The following LRRIQ1 variants were observed in gnomAD, a reference collection of about 807,000 sequenced individuals.
LRRIQ1 encodes the protein leucine rich repeats and IQ motif containing 1.
Under a neutral mutation model 211.9 loss-of-function variants are expected in LRRIQ1, and 210 were observed. The observed-to-expected ratio is 0.99, with a 90% CI of 0.89 to 1.11. The LOEUF (loss-of-function observed/expected upper bound fraction) is 1.11. Ranked by LOEUF, LRRIQ1 falls within the 50% of genes most tolerant of loss-of-function variation. The pLI, the probability that LRRIQ1 is intolerant of heterozygous loss-of-function variation, is 0.00. For synonymous variants in LRRIQ1, 699 were observed against 650.1 expected, an observed-to-expected ratio of 1.08 and a Z score of -1.14; for missense variants, 2,136 against 1,939.5, an observed-to-expected ratio of 1.10 and a Z score of -1.90.
chr12:85,081,710 A>G (rs898536285), intron 11 of LRRIQ1, among the ~76,000 whole-genome samples: 2 of 121,126 alleles, frequency 1.7e-5, no homozygotes, highest in African/African-American at 6.3e-5. Context: ...TATGCCCTTT[A>G]TTTCTTCTTC....
At chr12:85,132,201 G>C (rs147307787) in intron 18 of LRRIQ1, among the ~76,000 whole-genome samples, 3,140 of 151,862 alleles carry the variant, frequency 0.021, 70 homozygotes, top group Non-Finnish European at 0.027. Context: ...CTTTTCACTA[G>C]GTCTGCACTC....
chr12:85,235,010 T>C (rs1895109242), intron 26 of LRRIQ1, among the ~76,000 whole-genome samples: 1 of 152,200 alleles, frequency 6.6e-6, no homozygotes, highest in African/African-American at 2.4e-5. Context: ...TTTTATTTCT[T>C]AGTTATAGGG....
downstream of LRRIQ1, among the ~76,000 whole-genome samples, chr12:85,249,982 T>C (rs1194645125): frequency 6.7e-6 from 1 of 149,506 alleles, no homozygotes; most frequent in Non-Finnish European, 1.5e-5. Flanking sequence ...GTTGTACTAA[T>C]TTTTTTTTTA....
intron 1 of LRRIQ1, among the ~76,000 whole-genome samples, chr12:85,257,123 T>C (rs1184226854): frequency 9.2e-6 from 1 of 108,612 alleles, no homozygotes; most frequent in Non-Finnish European, 1.9e-5. Flanking sequence ...AATTACATAA[T>C]ATATAATATA....
intron 11 of LRRIQ1, 29 bp from the exon 12 acceptor site, chr12:85,098,326 C>T (rs760864447): frequency 1.4e-6 from 2 of 1,451,208 alleles, no homozygotes; most frequent in African/African-American, 1.4e-5. Flanking sequence ...CTGTATGACA[C>T]AGGTGATCTT....
At chr12:85,134,217 G>C (rs146662917) in intron 18 of LRRIQ1, among the ~76,000 whole-genome samples, 203 of 152,242 alleles carry the variant, frequency 1.3e-3, no homozygotes, top group Middle Eastern at 6.8e-3. Context: ...TTTGCCTGCT[G>C]ATGGTATATT....
chr12:85,133,489 A>T (rs1452128879), intron 18 of LRRIQ1, among the ~76,000 whole-genome samples: 2 of 152,174 alleles, frequency 1.3e-5, no homozygotes, highest in Non-Finnish European at 2.9e-5. Flanking sequence ...GGGTGTGACA[A>T]TATATTTCTT....
chr12:85,221,788 G>GA (rs1279746477), intron 24 of LRRIQ1, among the ~76,000 whole-genome samples: 3 of 152,206 alleles, frequency 2.0e-5, no homozygotes, highest in African/African-American at 4.8e-5. Context: ...ATACTTTATG[G>GA]AAAAAAACTT....
chr12:85,241,214 A>G (rs1275573431), intron 26 of LRRIQ1, among the ~76,000 whole-genome samples: 5 of 151,954 alleles, frequency 3.3e-5, no homozygotes, highest in Non-Finnish European at 7.4e-5. Flanking sequence ...TGTAACTTCT[A>G]TGGGAGTTTT....
rs1185386576 is a variant in LRRIQ1 at position 85,073,730 on chromosome 12, A to G, written c.2887+632A>G. 2.0e-5 allele frequency among the ~76,000 whole-genome samples: 3 copies of G among 152,080 alleles called. No individual in the cohort carries two copies. In the East Asian group the frequency reaches 5.8e-4, roughly 29 times the overall value. On this transcript the variant is annotated intron_variant, in intron 11 of 26. Transcript: ENST00000393217. ...GACTTCTTTGGTGTCTGTTGGGTACAATGAAAACACTGTATTTATTGAGTG... is the reference window on the plus strand; with the variant it reads ...GACTTCTTTGGTGTCTGTTGGGTACGATGAAAACACTGTATTTATTGAGTG...
At chr12:85,163,369 A>T (rs1890996285) in intron 24 of LRRIQ1, among the ~76,000 whole-genome samples, 1 of 152,178 alleles carries the variant, frequency 6.6e-6, no homozygotes. Flanking sequence ...AGTGAGGAAG[A>T]TCAAAATTAA....
Position 85,102,960 on chromosome 12 carries a change from ATAT to A in LRRIQ1, c.3210-1043_3210-1041del, listed in dbSNP as rs1342902300. On this transcript the variant is annotated intron_variant, in intron 13 of 26. Coordinates refer to ENST00000393217, the MANE Select transcript of LRRIQ1 (RefSeq NM_001079910.2). ...TAATTGTGGCAAAAAAAAAAAAAAA[ATAT>A]ATATATATATATATATATATATATT... Among the ~76,000 whole-genome samples the A allele has an allele frequency of 6.6e-3, 651 of 99,266 alleles. 6 individuals carry two copies. The highest frequency in any genetic ancestry group is 0.02 in the Admixed American group (179 of 9,176). The allele number at this position is 99,266 out of a possible 152,430, so 65.1% of individuals were successfully genotyped here.
At chr12:85,092,306 C>A (rs971179779) in intron 11 of LRRIQ1, among the ~76,000 whole-genome samples, 1 of 152,128 alleles carries the variant, frequency 6.6e-6, no homozygotes, top group South Asian at 2.1e-4. Flanking sequence ...GATTTTTAGT[C>A]AGAATCCAAC....
At chr12:85,161,940 G>A (rs1311827366) in intron 24 of LRRIQ1, among the ~76,000 whole-genome samples, 1 of 152,040 alleles carries the variant, frequency 6.6e-6, no homozygotes, top group Non-Finnish European at 1.5e-5. Flanking sequence ...CTCGGAGGCT[G>A]AGGCAGGAGA....
chr12:85,162,431 A>C (rs944647309), intron 24 of LRRIQ1, among the ~76,000 whole-genome samples: 4 of 152,124 alleles, frequency 2.6e-5, no homozygotes, highest in Non-Finnish European at 2.9e-5. Flanking sequence ...ATTAAATAGG[A>C]ATGTTGTTGC....
chr12:85,187,900 C>A (rs781699261), intron 24 of LRRIQ1, among the ~76,000 whole-genome samples: 17 of 151,864 alleles, frequency 1.1e-4, no homozygotes, highest in African/African-American at 2.4e-5. Context: ...CCTCCTAGGG[C>A]TTCACAGAGC....
chr12:85,225,065 T>C (rs1210295167), intron 24 of LRRIQ1, among the ~76,000 whole-genome samples: 13 of 152,088 alleles, frequency 8.5e-5, no homozygotes. Context: ...GGGTTCTGCA[T>C]CCGTAGGTTC....
intron 11 of LRRIQ1, among the ~76,000 whole-genome samples, chr12:85,097,108 A>G (rs897690183): frequency 6.6e-6 from 1 of 152,114 alleles, no homozygotes; most frequent in African/African-American, 2.4e-5. Context: ...TTTTTTATTC[A>G]GCTTCTCAAT....
At chr12:85,217,220 CAT>C (rs1397733315) in intron 24 of LRRIQ1, among the ~76,000 whole-genome samples, 3 of 150,972 alleles carry the variant, frequency 2.0e-5, no homozygotes, top group East Asian at 1.9e-4. Flanking sequence ...AACATATAGA[CAT>C]ATGTGCTATA....
Sources: gnomAD v4.1 joint callset for allele counts (sites outside exome capture counted in the v4.1 genomes callset) on GRCh38, gnomAD v4.1.1 for gene constraint, MANE v1.5 for transcripts, NCBI Gene and HGNC (gene_info 2026-07-23, HGNC 2026-07-21) for gene names.